PCNX1: variants seen among roughly 807,000 people sequenced by gnomAD.
The protein encoded by PCNX1 is pecanex-like protein 1.
Under a neutral mutation model 242.2 loss-of-function variants are expected in PCNX1, and 78 were observed. That is an observed-to-expected ratio of 0.32 (90% CI 0.27 to 0.39). The LOEUF (loss-of-function observed/expected upper bound fraction) is 0.39, where lower values mean the gene tolerates loss of function less well. Among genes scored for constraint, PCNX1 ranks in the 10% least tolerant of loss-of-function variants. The pLI, the probability that PCNX1 is intolerant of heterozygous loss-of-function variation, is 1.00. For missense variants in PCNX1, 2,581 were observed against 2,856.5 expected (o/e 0.90, Z 2.20); for synonymous variants, 1,024 against 1,032.9 (o/e 0.99, Z 0.17).
chr14:70,941,326 T>C (rs61988729), intron 1 of PCNX1, among the ~76,000 whole-genome samples: 2,167 of 152,352 alleles, frequency 0.014, 23 homozygotes, highest in Middle Eastern at 0.034. Context: ...ATGTCCTTTC[T>C]ATTTGTTAGT....
Position 70,910,284 on chromosome 14 carries a change from G to A in PCNX1, c.153+2281G>A, listed in dbSNP as rs969386394. ...CAGGCCATCATCATTCCCTTGGTTC[G>A]TCACCATTCTCTCTCCTGGATTATT... On this transcript the variant is annotated intron_variant, in intron 1 of 35. Transcript: ENST00000304743. Among the ~76,000 whole-genome samples the A allele has an allele frequency of 3.4e-4, 43 of 127,130 alleles. No homozygotes were observed. The Admixed American group carries it at 3.5e-3, about 10-fold the overall frequency. 83.4% of individuals were successfully genotyped at this position (127,130 alleles called of 152,430 possible). A position where few individuals can be genotyped will look rare whatever the true frequency, so the allele number is the denominator to read the frequency against.
intron 7 of PCNX1, among the ~76,000 whole-genome samples, chr14:70,991,988 C>T (rs2059179285): frequency 6.6e-6 from 1 of 152,042 alleles, no homozygotes; most frequent in South Asian, 2.1e-4. Context: ...AGTGAATTAT[C>T]AATTTTCTTA....
At chr14:71,059,740 A>G (rs942523168) in intron 26 of PCNX1, among the ~76,000 whole-genome samples, 2 of 151,892 alleles carry the variant, frequency 1.3e-5, no homozygotes, top group Non-Finnish European at 2.9e-5. Flanking sequence ...CACGCTTACA[A>G]TTTTTCAGTG....
chr14:70,933,861 T>C (rs2056897100), intron 1 of PCNX1, among the ~76,000 whole-genome samples: 1 of 152,214 alleles, frequency 6.6e-6, no homozygotes, highest in African/African-American at 2.4e-5. Flanking sequence ...GATAATCACT[T>C]TGTAACATAG....
At position 71,036,088 on chromosome 14, in the gene PCNX1, G is replaced by T; in HGVS notation, c.3798G>T (p.Leu1266=). The stretch of plus-strand genomic sequence containing the variant: ...AGAGTGAGCGATTACAGTCTGACCT[G>T]GTAGTATGCATTGTAATTGGTGTGC... ...NSVSERLQSD[L]VVCIVIGVLY... The change falls in exon 19 of 36, where the codon CTG becomes CTT. Residue 1266 remains leucine (L), a synonymous_variant. Coordinates refer to ENST00000304743, the MANE Select transcript of PCNX1 (RefSeq NM_014982.3). 1 of 1,604,540 alleles carries T rather than the reference G, an allele frequency of 6.2e-7. No homozygotes were observed. The highest frequency in any genetic ancestry group is 8.5e-7 in the Non-Finnish European group (1 of 1,171,458).
At chr14:70,920,444 A>C (rs1412557374) in intron 1 of PCNX1, among the ~76,000 whole-genome samples, 1 of 152,232 alleles carries the variant, frequency 6.6e-6, no homozygotes, top group Non-Finnish European at 1.5e-5. Flanking sequence ...TGTCAAATGT[A>C]TCTTATGAGA....
chr14:71,012,092 G>A (rs2059835353), intron 10 of PCNX1: 1 of 153,130 alleles, frequency 6.5e-6, no homozygotes, highest in Non-Finnish European at 1.5e-5. Context: ...ATGAGTTGAA[G>A]TTAAATATAG....
intron 1 of PCNX1, among the ~76,000 whole-genome samples, chr14:70,911,464 A>C (rs2030641811): frequency 6.6e-6 from 1 of 152,174 alleles, no homozygotes; most frequent in Non-Finnish European, 1.5e-5. Flanking sequence ...TGAAGAAAAA[A>C]TTTTTGTTTC....
In PCNX1 at chr14:70,947,079, A is replaced by G. The variant is rs1255025000; in HGVS notation, c.318A>G (p.Glu106=). The change falls in exon 2 of 36, where the codon GAA becomes GAG. Residue 106 remains glutamate (E), a synonymous_variant. Transcript: ENST00000304743. ...TCACGGATCAGCGAACCAAAGCTGA[A>G]CAAGGCAACTGTTCAACCAGGAGAA... ...NEFTDQRTKA[E]QGNCSTRRKD... is the part of the protein sequence containing the mutation. The G allele has an allele frequency of 6.2e-7, 1 of 1,613,434 alleles. No individual in the cohort carries two copies. Among genetic ancestry groups the G allele is most frequent in the Middle Eastern group, 1.7e-4 (1 of 6,060 alleles).
intron 7 of PCNX1, among the ~76,000 whole-genome samples, chr14:70,989,411 C>T (rs1485136406): frequency 6.6e-6 from 1 of 151,820 alleles, no homozygotes; most frequent in African/African-American, 2.4e-5. Context: ...ATTAAAATTC[C>T]AGTAACTACT....
Position 71,038,717 on chromosome 14 carries a change from A to G in PCNX1, c.3867+2560A>G, listed in dbSNP as rs569248790. Among the ~76,000 whole-genome samples, 4 of 152,162 alleles carry G rather than the reference A, an allele frequency of 2.6e-5. No homozygotes were observed. In the South Asian group the frequency reaches 6.2e-4, roughly 24 times the overall value. On this transcript the variant is annotated intron_variant, in intron 19 of 35. Transcript: ENST00000304743. ...TACCATTTGACCCAGCCATTCCATT[A>G]CTGGGTATATACCCAAAGGACTATA...
At chr14:70,999,242 C>T (rs1176656078) in intron 8 of PCNX1, among the ~76,000 whole-genome samples, 1 of 152,032 alleles carries the variant, frequency 6.6e-6, no homozygotes, top group Admixed American at 6.6e-5. Flanking sequence ...ATGAAACTTG[C>T]CATTATAGCT....
At chr14:71,055,648 A>AGTG in intron 25 of PCNX1, 86 bp downstream of exon 25, 2 of 743,054 alleles carry the variant, frequency 2.7e-6, no homozygotes, top group South Asian at 2.2e-5. Flanking sequence ...ACTTGTTGGG[A>AGTG]ATCCTCTATG....
Position 71,103,500 on chromosome 14 carries a change from G to T in PCNX1, c.5926G>T (p.Ala1976Ser), listed in dbSNP as rs2062518208. The T allele has an allele frequency of 6.2e-7, 1 of 1,614,070 alleles. No homozygotes were observed. Among genetic ancestry groups the T allele is most frequent in the Non-Finnish European group, 8.5e-7 (1 of 1,180,036 alleles). ...AGGTAGCATCCAAAATGCAAAGCAAGCCCTGAGAAACATGATAAACTCATC... is the reference window on the plus strand; with the variant it reads ...AGGTAGCATCCAAAATGCAAAGCAATCCCTGAGAAACATGATAAACTCATC... ...ERGSIQNAKQALRNMINSSCD... is the reference protein window; with the variant it reads ...ERGSIQNAKQSLRNMINSSCD... The change falls in exon 32 of 36, where the codon GCC (alanine) becomes TCC (serine). Residue 1976 changes from alanine (A) to serine (S), a missense_variant. Ala to Ser is a moderately conservative substitution (Grantham distance 99). Around this residue, in one of 9 missense-constraint regions of PCNX1, gnomAD observed 298 missense variants for 480.1 expected, o/e 0.62. Transcript: ENST00000304743.
intron 6 of PCNX1, among the ~76,000 whole-genome samples, chr14:70,979,441 G>C (rs953378484): frequency 6.6e-6 from 1 of 150,780 alleles, no homozygotes; most frequent in Admixed American, 6.6e-5. Context: ...GTTATTTCTT[G>C]CTGTGTTCTT....
At chr14:70,969,304 T>C in intron 5 of PCNX1, 194 bp downstream of exon 5, 2 of 497,302 alleles carry the variant, frequency 4.0e-6, no homozygotes, top group Admixed American at 3.5e-5. Context: ...AACTCAGTTA[T>C]ACATGTTCTG....
intron 1 of PCNX1, among the ~76,000 whole-genome samples, chr14:70,924,078 A>C (rs542509550): frequency 1.7e-4 from 26 of 152,134 alleles, no homozygotes; most frequent in African/African-American, 6.0e-4. Context: ...AAAAAGTACA[A>C]AAAATTACCT....
intron 2 of PCNX1, among the ~76,000 whole-genome samples, chr14:70,948,434 C>G (rs1208141511): frequency 6.6e-6 from 1 of 152,006 alleles, no homozygotes; most frequent in African/African-American, 2.4e-5. Flanking sequence ...GGCTGGTTCC[C>G]CTGATAAATA....
intron 30 of PCNX1, among the ~76,000 whole-genome samples, chr14:71,091,460 C>G (rs565331679): frequency 6.6e-6 from 1 of 152,196 alleles, no homozygotes. Flanking sequence ...CAGGTTTGAA[C>G]TGCATAGCTA....
Sources: gnomAD v4.1 joint callset for allele counts (sites outside exome capture counted in the v4.1 genomes callset) on GRCh38, gnomAD v4.1.1 for gene constraint, gnomAD v4.1.1 regional missense constraint, MANE v1.5 for transcripts, NCBI Gene and HGNC (gene_info 2026-07-23, HGNC 2026-07-21) for gene names.